Variants in CACFD1 observed in about 807,000 individuals in gnomAD.
CACFD1 encodes calcium channel flower domain containing 1.
A neutral mutation model predicts 21.3 loss-of-function variants in CACFD1; 26 were observed. The ratio of observed to expected loss-of-function variants is 1.22; its 90% CI spans 0.89 to 1.69. The LOEUF is 1.69. Ranked by LOEUF, CACFD1 falls within the 40% of genes most tolerant of loss-of-function variation. CACFD1 has a pLI of 0.00. For synonymous variants in CACFD1, 121 were observed against 106.6 expected, an observed-to-expected ratio of 1.13 and a Z score of -0.83; for missense variants, 265 against 236.2, an observed-to-expected ratio of 1.12 and a Z score of -0.80.
chr9:133,460,400 A>G (rs1247520576), intron 1 of CACFD1, among the ~76,000 whole-genome samples: 1 of 120,370 alleles, frequency 8.3e-6, no homozygotes, highest in Non-Finnish European at 1.8e-5. Context: ...GCGCCTTGGT[A>G]CCCCGGGCTG....
chr9:133,460,053 C>T lies in CACFD1; in HGVS notation c.-14C>T, dbSNP rs886224723. On this transcript the variant is annotated 5_prime_UTR_variant, in exon 1 of 5. Coordinates refer to ENST00000316948, the MANE Select transcript of CACFD1 (RefSeq NM_017586.5). ...CCTTTGTGAGGGCTGTGAGCTGCGC[C>T]TGACGGTGGCACCATGAGCAGCTCA... 6.4e-6 allele frequency: 10 copies of T among 1,552,038 alleles called. No homozygotes were observed. In the African/African-American group the frequency reaches 1.4e-4, roughly 22 times the overall value.
chr9:133,463,589 C>G, intron 2 of CACFD1, 34 bp downstream of exon 2: 1 of 1,611,412 alleles, frequency 6.2e-7, no homozygotes, highest in Middle Eastern at 1.7e-4. Flanking sequence ...CCCCGGGGGT[C>G]TTGCTGGTCG....
At chr9:133,468,515 G>T in intron 4 of CACFD1, 48 bp from the exon 5 acceptor site, 1 of 1,551,550 alleles carries the variant, frequency 6.4e-7, no homozygotes, top group Non-Finnish European at 8.7e-7. Flanking sequence ...GGAGGGCTGT[G>T]GGCATGGGGC....
intron 3 of CACFD1, among the ~76,000 whole-genome samples, chr9:133,467,009 G>A (rs371409637): frequency 1.5e-4 from 23 of 152,114 alleles, no homozygotes; most frequent in South Asian, 2.1e-4. Flanking sequence ...AAGGTTCCCC[G>A]CCGTGGTCTT....
In CACFD1 at chr9:133,465,222, G is replaced by A. The variant is rs930368318; in HGVS notation, c.195-100G>A. ...AGAGGAGGAGGGATGAGGGCAGGAG[G>A]GTGAGGGAGGTGGCATTCCTTATGG... On this transcript the variant is annotated intron_variant, in intron 2 of 4. Coordinates refer to ENST00000316948, the MANE Select transcript of CACFD1 (RefSeq NM_017586.5). The surrounding 1 kb of genome is among the most constrained non-coding windows in gnomAD (Gnocchi z 5.0). 5.8e-6 allele frequency: 8 copies of A among 1,381,902 alleles called. No homozygotes were observed. In the African/African-American group the frequency reaches 8.5e-5, roughly 15 times the overall value. The allele number at this position is 1,381,902 out of a possible 1,614,324, so 85.6% of individuals were successfully genotyped here.
chr9:133,469,807 T>C lies in CACFD1; in HGVS notation c.*1154T>C, dbSNP rs1184972572. ...GTGGGGTTTGGCAGAAGCGGGCGGG[T>C]GTGGAAGATATTCCATCTGGGGCCA... is the stretch of plus-strand genomic sequence containing the variant. On this transcript the variant is annotated 3_prime_UTR_variant, in exon 5 of 5. Transcript: ENST00000316948. The C allele has an allele frequency of 6.6e-6, 1 of 152,210 alleles. No homozygotes were observed. The highest frequency in any genetic ancestry group is 1.5e-5 in the Non-Finnish European group (1 of 68,064). 9.4% of individuals were successfully genotyped at this position (152,210 alleles called of 1,614,324 possible).
chr9:133,461,830 T>G, intron 1 of CACFD1: 1 of 981,060 alleles, frequency 1.0e-6, no homozygotes, highest in Non-Finnish European at 1.2e-6. Flanking sequence ...AATGCAAAAA[T>G]GCAGGGTGTT....
In CACFD1 at chr9:133,467,893, GCCCCCTTGACCTCTGCTTT is replaced by G; in HGVS notation, c.321-22_321-4del. ...GATGTGGTGGCTGTGGGGCCGGAGT[GCCCCCTTGACCTCTGCTTT>G]CCCCCCAGGATGGCGGTCGTTCCCA... On this transcript the variant is annotated splice_polypyrimidine_tract_variant and intron_variant, in intron 3 of 4. Coordinates refer to ENST00000316948, the MANE Select transcript of CACFD1 (RefSeq NM_017586.5). The G allele has an allele frequency of 6.5e-7, 1 of 1,528,984 alleles. No individual in the cohort carries two copies. Among genetic ancestry groups the G allele is most frequent in the Non-Finnish European group, 9.0e-7 (1 of 1,104,980 alleles). 94.7% of individuals were successfully genotyped at this position (1,528,984 alleles called of 1,614,324 possible).
At position 133,468,032 on chromosome 9, in the gene CACFD1, C is replaced by G; in HGVS notation, c.428+4C>G. 1.2e-6 allele frequency: 2 copies of G among 1,610,252 alleles called. No individual in the cohort carries two copies. Among genetic ancestry groups the G allele is most frequent in the Non-Finnish European group, 1.7e-6 (2 of 1,176,896 alleles). ...GACTCTCTGCTCTGGGCAAAAAGTG[C>G]GTCTGCCAGGCCCAGCCCCTGGGCA... On this transcript the variant is annotated splice_donor_region_variant and intron_variant, in intron 4 of 4. Transcript: ENST00000316948.
intron 1 of CACFD1, among the ~76,000 whole-genome samples, chr9:133,462,439 A>G (rs956022292): frequency 6.6e-6 from 1 of 152,212 alleles, no homozygotes; most frequent in African/African-American, 2.4e-5. Flanking sequence ...GGCTCACTTT[A>G]TCTGGCTTCT....
In CACFD1 at chr9:133,461,997, G is replaced by A. The variant is rs985296410; in HGVS notation, c.122-1486G>A. Reference sequence around the variant, plus strand: ...GGAGGTGATACCTTGGGAGGGGACAGGATTGCATGGTGACAGCCCCCTCAC... The same window carrying A: ...GGAGGTGATACCTTGGGAGGGGACAAGATTGCATGGTGACAGCCCCCTCAC... On this transcript the variant is annotated intron_variant, in intron 1 of 4. Transcript: ENST00000316948. The A allele has an allele frequency of 1.9e-5, 19 of 985,294 alleles. No individual in the cohort carries two copies. In the African/African-American group the frequency reaches 3.0e-4, roughly 15 times the overall value. The allele number at this position is 985,294 out of a possible 1,614,324, so 61.0% of individuals were successfully genotyped here.
chr9:133,460,255 C>G, intron 1 of CACFD1, 68 bp downstream of exon 1: 2 of 1,359,228 alleles, frequency 1.5e-6, no homozygotes, highest in Non-Finnish European at 1.9e-6. Context: ...CCCTGCCCCG[C>G]CCCGCCCCGG....
At chr9:133,466,005 C>T (rs995708928) in intron 3 of CACFD1, among the ~76,000 whole-genome samples, 1 of 152,154 alleles carries the variant, frequency 6.6e-6, no homozygotes, top group Non-Finnish European at 1.5e-5. Context: ...ACGGAAACTC[C>T]TAGAATAATG....
At chr9:133,460,459 A>AGTGCGGGGGGGCGGCGG (rs1843113231) in intron 1 of CACFD1, among the ~76,000 whole-genome samples, 1 of 69,812 alleles carries the variant, frequency 1.4e-5, no homozygotes, top group Non-Finnish European at 2.8e-5. Flanking sequence ...CAGAAACCCC[A>AGTGCGGGGGGGCGGCGG]GGGCGGGGGG....
At chr9:133,466,867 C>T (rs1396591737) in intron 3 of CACFD1, among the ~76,000 whole-genome samples, 1 of 152,030 alleles carries the variant, frequency 6.6e-6, no homozygotes, top group East Asian at 1.9e-4. Context: ...TACTTTTTAA[C>T]CTGTGGGAAC....
At chr9:133,463,619 C>T (rs1564455596) in intron 2 of CACFD1, 64 bp downstream of exon 2, 3 of 1,555,226 alleles carry the variant, frequency 1.9e-6, no homozygotes, top group East Asian at 2.2e-5. Context: ...TGGGCACCTC[C>T]CGGGACAGAG....
rs371408354 is a variant in CACFD1 at position 133,464,924 on chromosome 9, TACTA to T, written c.195-395_195-392del. 6.5e-3 allele frequency: 1,137 copies of T among 174,852 alleles called. 13 individuals carry two copies. Among genetic ancestry groups the T allele is most frequent in the African/African-American group, 0.025 (1,063 of 41,842 alleles). The allele number at this position is 174,852 out of a possible 1,614,324, so 10.8% of individuals were successfully genotyped here. On this transcript the variant is annotated intron_variant, in intron 2 of 4. Transcript: ENST00000316948. ...CGGCTTTTGGTGGCCATGGCGATAA[TACTA>T]ACAGCAGACAGAGGACACAGCTGCC...
In CACFD1 at chr9:133,465,177, G is replaced by A. The variant is rs1843383382; in HGVS notation, c.195-145G>A. 1.1e-6 allele frequency: 1 copy of A among 877,696 alleles called. No homozygotes were observed. Among genetic ancestry groups the A allele is most frequent in the Non-Finnish European group, 1.8e-6 (1 of 541,526 alleles). The allele number at this position is 877,696 out of a possible 1,614,324, so 54.4% of individuals were successfully genotyped here. A position where few individuals can be genotyped will look rare whatever the true frequency, so the allele number is the denominator to read the frequency against. ...CCGAGGGGTACGAGCAGGTGCCCTG[G>A]AGCAGCCGGGCGGCTTCCCAGAGGA... On this transcript the variant is annotated intron_variant, in intron 2 of 4. Transcript: ENST00000316948. This position sits in a 1 kb window ranked among gnomAD's most constrained non-coding sequence, Gnocchi z 5.0.
intron 2 of CACFD1, among the ~76,000 whole-genome samples, chr9:133,464,119 G>A (rs587760572): frequency 1.3e-3 from 195 of 152,368 alleles, no homozygotes; most frequent in Non-Finnish European, 2.0e-3. Flanking sequence ...CATCCCATCG[G>A]AAGGGAAGGC....
Sources: allele counts gnomAD v4.1 joint callset (sites outside exome capture counted in the v4.1 genomes callset), GRCh38; gene constraint gnomAD v4.1.1; non-coding constraint Gnocchi (gnomAD v3.1); transcripts MANE v1.5; gene names NCBI Gene and HGNC (gene_info 2026-07-23, HGNC 2026-07-21).